The following GRIP1 variants were observed in gnomAD, a reference collection of about 807,000 sequenced individuals.
GRIP1 encodes the protein glutamate receptor-interacting protein 1.
GRIP1 carries 45 observed loss-of-function variants against 129.9 expected under a neutral mutation model. The observed-to-expected ratio is 0.35, with a 90% CI of 0.27 to 0.44. The LOEUF is 0.44. Among genes scored for constraint, GRIP1 ranks in the 20% least tolerant of loss-of-function variants. The pLI is 1.00. For missense variants in GRIP1, 1,196 were observed against 1,396.8 expected, an observed-to-expected ratio of 0.86 and a Z score of 2.29; for synonymous variants, 530 against 520.8, an observed-to-expected ratio of 1.02 and a Z score of -0.24.
intron 1 of GRIP1, among the ~76,000 whole-genome samples, chr12:67,021,187 A>C (rs1200041337): frequency 6.6e-6 from 1 of 152,160 alleles, no homozygotes; most frequent in Non-Finnish European, 1.5e-5. Context: ...TCAAGATGGA[A>C]TTGGATATCC....
exon 1 of GRIP1, chr12:66,804,075 A>G (rs1336172564): frequency 2.2e-6 from 1 of 455,650 alleles, no homozygotes; most frequent in Non-Finnish European, 4.4e-6. Context: ...CTGAAGCGTA[A>G]TAATAGACAT....
At position 66,688,162 on chromosome 12, in the gene GRIP1, A is replaced by G. The variant is rs2034850514; in HGVS notation, c.-419-57826T>C. ...AGTTACTTCGGTCAGTATGGTCTCCATTTTGCTAATTTAGTTGGAGTTGGA... is the reference window on the plus strand; with the variant it reads ...AGTTACTTCGGTCAGTATGGTCTCCGTTTTGCTAATTTAGTTGGAGTTGGA... On this transcript the variant is annotated intron_variant, in intron 1 of 4. Transcript: ENST00000538373. Among the ~76,000 whole-genome samples, 3 of 152,276 alleles carry G rather than the reference A, an allele frequency of 2.0e-5. No individual in the cohort carries two copies. The South Asian group carries it at 6.2e-4, about 32-fold the overall frequency.
intron 1 of GRIP1, among the ~76,000 whole-genome samples, chr12:66,761,046 C>G (rs111524941): frequency 6.6e-6 from 1 of 152,142 alleles, no homozygotes; most frequent in Non-Finnish European, 1.5e-5. Flanking sequence ...CAACTGACTT[C>G]GCAAAATGGT....
chr12:66,905,352 T>A (rs954677110), intron 1 of GRIP1, among the ~76,000 whole-genome samples: 6 of 151,772 alleles, frequency 4.0e-5, no homozygotes, highest in Non-Finnish European at 8.8e-5. Flanking sequence ...GAGGTGTGAG[T>A]GCCTAGTGCC....
At chr12:66,357,641 A>G (rs1162682291) in intron 23 of GRIP1, among the ~76,000 whole-genome samples, 1 of 152,186 alleles carries the variant, frequency 6.6e-6, no homozygotes, top group East Asian at 1.9e-4. Context: ...TCCTATTAAC[A>G]TCTTCTGTAT....
At chr12:66,448,090 C>T (rs2058681298) in intron 11 of GRIP1, among the ~76,000 whole-genome samples, 1 of 152,120 alleles carries the variant, frequency 6.6e-6, no homozygotes, top group African/African-American at 2.4e-5. Flanking sequence ...TGTATCTTCT[C>T]AACTCTTTCT....
At chr12:66,551,859 G>A (rs565664894) in intron 2 of GRIP1, among the ~76,000 whole-genome samples, 4 of 152,110 alleles carry the variant, frequency 2.6e-5, no homozygotes, top group African/African-American at 9.7e-5. Context: ...TGGGACTACA[G>A]GCATGAGCCA....
Position 66,349,071 on chromosome 12 carries a change from T to G in GRIP1, c.3335A>C (p.Gln1112Pro). Residue 1112 changes from glutamine (Q) to proline (P), a missense_variant, in exon 25 of 25, where the codon CAG becomes CCG. By Grantham distance (76) the Gln-to-Pro change is moderately conservative. Around this residue, in one of 5 missense-constraint regions of GRIP1, gnomAD observed 427 missense variants for 463.3 expected, o/e 0.92. Coordinates refer to ENST00000359742, the MANE Select transcript of GRIP1 (RefSeq NM_001366722.1). ...WSEQNSAFFQ[Q>P]PSHGGNLETR... ...CTCCAAATTACCACCGTGGCTAGGC[T>G]GCTGGAAAAAAGCACTGTTCTGTTC... 1 of 1,614,164 alleles carries G rather than the reference T, an allele frequency of 6.2e-7. No homozygotes were observed. The highest frequency in any genetic ancestry group is 8.5e-7 in the Non-Finnish European group (1 of 1,179,976).
chr12:66,734,969 G>T (rs1473159707), intron 1 of GRIP1, among the ~76,000 whole-genome samples: 2 of 152,156 alleles, frequency 1.3e-5, no homozygotes, highest in African/African-American at 4.8e-5. Context: ...TGAGCATGAA[G>T]TGTGGACAGG....
At chr12:67,049,411 G>A (rs1249063114) in intron 1 of GRIP1, among the ~76,000 whole-genome samples, 1 of 152,120 alleles carries the variant, frequency 6.6e-6, no homozygotes, top group African/African-American at 2.4e-5. Flanking sequence ...GTCCTTTGCA[G>A]GGCCATGGAT....
At chr12:66,404,262 AT>A (rs977283385) in intron 16 of GRIP1, among the ~76,000 whole-genome samples, 1 of 151,858 alleles carries the variant, frequency 6.6e-6, no homozygotes, top group Non-Finnish European at 1.5e-5. Context: ...GCAACTATAG[AT>A]TTTTTTTTAC....
intron 1 of GRIP1, among the ~76,000 whole-genome samples, chr12:67,032,184 T>C (rs984183582): frequency 2.0e-5 from 3 of 152,222 alleles, no homozygotes; most frequent in African/African-American, 7.2e-5. Flanking sequence ...GCAGGCTTTT[T>C]GAAGACAGGA....
At position 66,462,997 on chromosome 12, in the gene GRIP1, G is replaced by A; in HGVS notation, c.969C>T (p.Asn323=). 1 of 1,613,958 alleles carries A rather than the reference G, an allele frequency of 6.2e-7. No homozygotes were observed. The highest frequency in any genetic ancestry group is 8.5e-7 in the Non-Finnish European group (1 of 1,179,890). Reference sequence around the variant, plus strand: ...TCTCAAGCTTGACCTGGTCAGTGGTGTTGGCCAGGAACTGGGTTGCTTCTG... The same window carrying A: ...TCTCAAGCTTGACCTGGTCAGTGGTATTGGCCAGGAACTGGGTTGCTTCTG... ...TLAEATQFLA[N]TTDQVKLEIL... The change falls in exon 9 of 25, where the codon AAC becomes AAT. Residue 323 remains asparagine (N), a synonymous_variant. Transcript: ENST00000359742.
At chr12:66,746,033 C>G (rs1360857953) in intron 1 of GRIP1, among the ~76,000 whole-genome samples, 1 of 152,072 alleles carries the variant, frequency 6.6e-6, no homozygotes, top group Non-Finnish European at 1.5e-5. Flanking sequence ...TAGGATATTT[C>G]ACAAAATGAA....
chr12:66,539,096 A>G lies in GRIP1; in HGVS notation c.400T>C (p.Tyr134His). Residue 134 changes from tyrosine (Y) to histidine (H), a missense_variant, in exon 4 of 25, where the codon TAC (tyrosine) becomes CAC (histidine). By Grantham distance (83) the Tyr-to-His change is moderately conservative. Around this residue, in one of 5 missense-constraint regions of GRIP1, gnomAD observed 217 missense variants for 224.8 expected, o/e 0.97. Coordinates refer to ENST00000359742, the MANE Select transcript of GRIP1 (RefSeq NM_001366722.1). ...TACTTACAGACCGGTGGAAGCTCGT[A>G]CTCTACTTCAAGAACCACTCTTTCT... ...VGERVVLEVE[Y>H]ELPPVSVQGS... The G allele has an allele frequency of 6.2e-7, 1 of 1,613,770 alleles. No individual in the cohort carries two copies. The highest frequency in any genetic ancestry group is 1.1e-5 in the South Asian group (1 of 91,062).
intron 1 of GRIP1, among the ~76,000 whole-genome samples, chr12:66,731,517 A>C (rs1287648613): frequency 2.6e-5 from 4 of 152,214 alleles, no homozygotes; most frequent in African/African-American, 4.8e-5. Flanking sequence ...CCTTTTATAC[A>C]ATATCTGCCT....
chr12:66,363,189 G>A (rs1394647788), intron 23 of GRIP1, among the ~76,000 whole-genome samples: 1 of 59,678 alleles, frequency 1.7e-5, no homozygotes, highest in African/African-American at 6.3e-5. Flanking sequence ...GTATATATGT[G>A]TGTGTGTGTC....
chr12:66,553,132 G>A (rs11176259), intron 2 of GRIP1, among the ~76,000 whole-genome samples: 59,730 of 152,054 alleles, frequency 0.39, 11,823 homozygotes, highest in East Asian at 0.41. Context: ...TCTTGTCACA[G>A]AGAAATGTTC....
chr12:66,938,610 G>C (rs1006061746), intron 1 of GRIP1, among the ~76,000 whole-genome samples: 1 of 152,102 alleles, frequency 6.6e-6, no homozygotes, highest in Non-Finnish European at 1.5e-5. Context: ...AGAACTAAGA[G>C]AAGGCAGGGC....
Sources: allele counts gnomAD v4.1 joint callset (sites outside exome capture counted in the v4.1 genomes callset), GRCh38; gene constraint gnomAD v4.1.1; regional missense constraint gnomAD v4.1.1; transcripts MANE v1.5; gene names NCBI Gene and HGNC (gene_info 2026-07-23, HGNC 2026-07-21).